The following ADGRB3 variants were observed in gnomAD, a reference collection of about 807,000 sequenced individuals.
ADGRB3 encodes adhesion G protein-coupled receptor B3.
ADGRB3 carries 37 observed loss-of-function variants against 193.4 expected under a neutral mutation model. The observed-to-expected ratio is 0.19, with a 90% CI of 0.15 to 0.25. The LOEUF (loss-of-function observed/expected upper bound fraction) is 0.25, where lower values mean the gene tolerates loss of function less well. Ranked by LOEUF, ADGRB3 falls within the 10% of genes least tolerant of loss-of-function variation. The probability of loss-of-function intolerance (pLI) is 1.00; values close to 1 mark genes in which losing one functional copy is unlikely to be tolerated. For missense variants in ADGRB3, 1,637 were observed against 1,852.9 expected, an observed-to-expected ratio of 0.88 and a Z score of 2.14; for synonymous variants, 690 against 644.2, an observed-to-expected ratio of 1.07 and a Z score of -1.08.
intron 3 of ADGRB3, among the ~76,000 whole-genome samples, chr6:68,882,176 C>G (rs1407027366): frequency 6.6e-6 from 1 of 152,160 alleles, no homozygotes; most frequent in East Asian, 1.9e-4. Flanking sequence ...ATGGATCTTA[C>G]TTCTACAGAA....
intron 3 of ADGRB3, among the ~76,000 whole-genome samples, chr6:68,887,610 T>A (rs1429052186): frequency 6.6e-6 from 1 of 152,106 alleles, no homozygotes; most frequent in Non-Finnish European, 1.5e-5. Context: ...ATGCTAAATA[T>A]CTAGTGTTGT....
intron 14 of ADGRB3, among the ~76,000 whole-genome samples, chr6:69,048,637 T>G (rs1192699220): frequency 6.6e-6 from 1 of 152,196 alleles, no homozygotes; most frequent in Non-Finnish European, 1.5e-5. Context: ...ACTAATATTT[T>G]ACCTTTAGCT....
intron 17 of ADGRB3, among the ~76,000 whole-genome samples, chr6:69,101,258 A>C (rs1188023432): frequency 6.6e-6 from 1 of 152,094 alleles, no homozygotes; most frequent in Non-Finnish European, 1.5e-5. Flanking sequence ...GTAAGGGTTA[A>C]CGCATATAGC....
intron 20 of ADGRB3, among the ~76,000 whole-genome samples, chr6:69,306,373 A>G (rs898232472): frequency 6.6e-6 from 1 of 151,530 alleles, no homozygotes; most frequent in Admixed American, 6.6e-5. Context: ...AATCTCTGTC[A>G]TACATAGCAT....
At position 69,261,943 on chromosome 6, in the gene ADGRB3, G is replaced by T. The variant is rs186049633; in HGVS notation, c.2814+22717G>T. 3.3e-5 allele frequency among the ~76,000 whole-genome samples: 5 copies of T among 151,954 alleles called. No individual in the cohort carries two copies. The East Asian group carries it at 9.6e-4, about 29-fold the overall frequency. ...ATTTAGGTCTAATTTATGATTAGAG[G>T]GTCTGTCTTTATTAACAGGTTACAA... On this transcript the variant is annotated intron_variant, in intron 20 of 31. Transcript: ENST00000370598.
intron 5 of ADGRB3, among the ~76,000 whole-genome samples, chr6:68,938,930 A>G (rs1288138032): frequency 6.6e-6 from 1 of 152,158 alleles, no homozygotes; most frequent in East Asian, 1.9e-4. Flanking sequence ...ACATACAGGG[A>G]TAGTATTATG....
intron 3 of ADGRB3, among the ~76,000 whole-genome samples, chr6:68,765,747 CA>C (rs1766497327): frequency 6.6e-6 from 1 of 151,952 alleles, no homozygotes; most frequent in African/African-American, 2.4e-5. Flanking sequence ...ATACTAATAT[CA>C]TAAAATTGGA....
intron 13 of ADGRB3, among the ~76,000 whole-genome samples, chr6:69,027,092 T>C (rs1770455513): frequency 6.6e-6 from 1 of 152,198 alleles, no homozygotes; most frequent in Admixed American, 6.5e-5. Context: ...TTTTTAACTT[T>C]TGGACTCTTG....
At chr6:68,684,885 TG>T (rs1312071869) in intron 3 of ADGRB3, among the ~76,000 whole-genome samples, 5 of 152,030 alleles carry the variant, frequency 3.3e-5, no homozygotes, top group Non-Finnish European at 5.9e-5. Context: ...CATAAGAGCA[TG>T]GGGTAACATG....
intron 20 of ADGRB3, among the ~76,000 whole-genome samples, chr6:69,296,124 A>T (rs151055276): frequency 6.6e-6 from 1 of 152,242 alleles, no homozygotes; most frequent in African/African-American, 2.4e-5. Context: ...TTTACCAGTG[A>T]CTCTCATCAA....
intron 17 of ADGRB3, among the ~76,000 whole-genome samples, chr6:69,192,531 AGTT>A (rs1490969162): frequency 6.6e-6 from 1 of 152,174 alleles, no homozygotes; most frequent in Non-Finnish European, 1.5e-5. Flanking sequence ...AATCCAATCA[AGTT>A]GACACACAAT....
intron 3 of ADGRB3, among the ~76,000 whole-genome samples, chr6:68,674,588 C>G (rs573054880): frequency 6.6e-6 from 1 of 152,276 alleles, no homozygotes; most frequent in Non-Finnish European, 1.5e-5. Flanking sequence ...CGGTACTACT[C>G]TTGGTTTATC....
At chr6:68,808,755 G>A (rs1203284220) in intron 3 of ADGRB3, among the ~76,000 whole-genome samples, 1 of 152,090 alleles carries the variant, frequency 6.6e-6, no homozygotes, top group Admixed American at 6.6e-5. Context: ...GAAAAAAGGG[G>A]GAGAGAGTGA....
At chr6:68,815,640 T>TGC (rs1767618965) in intron 3 of ADGRB3, among the ~76,000 whole-genome samples, 1 of 146,100 alleles carries the variant, frequency 6.8e-6, no homozygotes, top group Admixed American at 6.8e-5. Context: ...TGTGTGTGTG[T>TGC]GCATGTAGAT....
intron 3 of ADGRB3, among the ~76,000 whole-genome samples, chr6:68,683,376 G>T (rs1764929387): frequency 6.6e-6 from 1 of 152,014 alleles, no homozygotes. Flanking sequence ...AGATGATACA[G>T]CCATAAAACA....
At chr6:69,320,336 T>A (rs936624461) in intron 20 of ADGRB3, among the ~76,000 whole-genome samples, 12 of 151,412 alleles carry the variant, frequency 7.9e-5, no homozygotes, top group African/African-American at 2.9e-4. Flanking sequence ...TTTTCTTTTT[T>A]AAACTATTTA....
intron 26 of ADGRB3, among the ~76,000 whole-genome samples, chr6:69,351,305 G>C (rs1769221535): frequency 6.6e-6 from 1 of 151,778 alleles, no homozygotes; most frequent in South Asian, 2.1e-4. Context: ...ATGTTCGCCA[G>C]GCTGGTCTCG....
At chr6:69,013,346 A>G (rs1156367427) in intron 11 of ADGRB3, among the ~76,000 whole-genome samples, 2 of 152,126 alleles carry the variant, frequency 1.3e-5, no homozygotes, top group Non-Finnish European at 2.9e-5. Context: ...AGATAAAGCC[A>G]ATAGGTCTTT....
intron 29 of ADGRB3, among the ~76,000 whole-genome samples, chr6:69,366,859 G>A (rs1370995996): frequency 1.3e-5 from 2 of 152,118 alleles, no homozygotes; most frequent in Non-Finnish European, 2.9e-5. Context: ...TTTTGTGAAT[G>A]TCTCCTATTG....
Sources: allele counts gnomAD v4.1 joint callset (sites outside exome capture counted in the v4.1 genomes callset), GRCh38; gene constraint gnomAD v4.1.1; transcripts MANE v1.5; gene names NCBI Gene and HGNC (gene_info 2026-07-23, HGNC 2026-07-21).